Variants in RNF144A observed in about 807,000 individuals in gnomAD.
The protein encoded by RNF144A is ring finger protein 144A, also known as E3 ubiquitin-protein ligase RNF144A.
RNF144A carries 11 observed loss-of-function variants against 38.7 expected under a neutral mutation model. The ratio of observed to expected loss-of-function variants is 0.28; its 90% CI spans 0.18 to 0.47. The LOEUF (loss-of-function observed/expected upper bound fraction) is 0.47. Ranked by LOEUF, RNF144A falls within the 20% of genes least tolerant of loss-of-function variation. The pLI is 0.99. For missense variants in RNF144A, 316 were observed against 377.2 expected (o/e 0.84, Z 1.34); for synonymous variants, 149 against 143.9 (o/e 1.04, Z -0.25).
chr2:7,037,014 C>A (rs558482137), intron 8 of RNF144A, among the ~76,000 whole-genome samples: 2 of 152,294 alleles, frequency 1.3e-5, no homozygotes, highest in East Asian at 3.9e-4. Context: ...TCCTTTAAAT[C>A]TTAGGGTTTG....
rs573214530 is a variant in RNF144A at position 7,035,181 on chromosome 2, T to C, written c.748-4448T>C. On this transcript the variant is annotated intron_variant, in intron 8 of 8. Coordinates refer to ENST00000320892, the MANE Select transcript of RNF144A (RefSeq NM_014746.6). ...CTCTCTCTTGCCCTGTTTTGTTCCT[T>C]CTCCCTGTCAAGCTATATCCCTCCC... Among the ~76,000 whole-genome samples the C allele has an allele frequency of 2.0e-5, 3 of 152,248 alleles. No individual in the cohort carries two copies. The South Asian group carries it at 6.2e-4, about 32-fold the overall frequency.
intron 5 of RNF144A, among the ~76,000 whole-genome samples, chr2:7,017,966 G>T (rs989276936): frequency 6.6e-6 from 1 of 152,174 alleles, no homozygotes; most frequent in Non-Finnish European, 1.5e-5. Context: ...GATTTAAATC[G>T]TTCCCATGGA....
At chr2:6,945,880 G>T (rs1372273771) in intron 2 of RNF144A, among the ~76,000 whole-genome samples, 1 of 152,172 alleles carries the variant, frequency 6.6e-6, no homozygotes, top group Non-Finnish European at 1.5e-5. Flanking sequence ...GGAAAGAGAT[G>T]AGGAGAACCT....
intron 2 of RNF144A, among the ~76,000 whole-genome samples, chr2:6,960,232 G>A (rs1322154672): frequency 1.3e-5 from 2 of 152,322 alleles, no homozygotes; most frequent in South Asian, 4.1e-4. Context: ...GACTAGGGAC[G>A]ATGTATATCA....
intron 2 of RNF144A, among the ~76,000 whole-genome samples, chr2:6,972,589 G>A (rs1051195523): frequency 9.9e-5 from 15 of 152,096 alleles, no homozygotes; most frequent in Admixed American, 7.2e-4. Context: ...TCTCTTCCAG[G>A]CCTCTCTGGC....
rs1671452847 is a variant in RNF144A, at chr2:7,020,561, C to T, written c.390C>T (p.Pro130=). 1 of 1,613,426 alleles carries T rather than the reference C, an allele frequency of 6.2e-7. No individual in the cohort carries two copies. The highest frequency in any genetic ancestry group is 1.1e-5 in the South Asian group (1 of 91,086). Residue 130 remains proline, a synonymous_variant, in exon 6 of 9, where the codon CCC becomes CCT. Coordinates refer to ENST00000320892, the MANE Select transcript of RNF144A (RefSeq NM_014746.6). The stretch of plus-strand genomic sequence containing the variant: ...TCCAGGACGTGGGGCTGCAGACCCC[C>T]CAGCCAGTGCAGTGCAAAGCCTGCC... ...CQLQDVGLQT[P]QPVQCKACRM...
intron 3 of RNF144A, among the ~76,000 whole-genome samples, chr2:7,003,389 A>G (rs1450065387): frequency 8.5e-5 from 13 of 152,198 alleles, no homozygotes; most frequent in Admixed American, 8.5e-4. Flanking sequence ...CGCCCTGTAT[A>G]AGTATATGAT....
At chr2:6,925,208 C>T (rs1200208335) in intron 1 of RNF144A, among the ~76,000 whole-genome samples, 3 of 152,010 alleles carry the variant, frequency 2.0e-5, no homozygotes, top group Non-Finnish European at 2.9e-5. Context: ...GATTGTAATC[C>T]CTGGTGTGGA....
downstream of RNF144A, among the ~76,000 whole-genome samples, chr2:7,072,266 C>T (rs1674512557): frequency 6.6e-6 from 1 of 152,228 alleles, no homozygotes; most frequent in African/African-American, 2.4e-5. Context: ...ATGATTTTTG[C>T]TATAGAATGG....
At position 7,050,495 on chromosome 2, in the gene RNF144A, T is replaced by A. The variant is rs309288; in HGVS notation, c.735-17721T>A. ...AGTGAGAACAGACTAATGCAGGTCC[T>A]CTTCAGTCTCTCGTGGACACACCTG... is the stretch of plus-strand genomic sequence containing the variant. On this transcript the variant is annotated intron_variant, in intron 6 of 6. Transcript: ENST00000432850. Among the ~76,000 whole-genome samples, 59 of 152,020 alleles carry A rather than the reference T, an allele frequency of 3.9e-4. 3 individuals are homozygous for A. In the South Asian group the frequency reaches 0.012, roughly 30 times the overall value.
rs150825209 is a variant in RNF144A, at chr2:7,062,829, G to A, written c.735-5387G>A. 330 of 152,276 alleles carry A rather than the reference G, an allele frequency of 2.2e-3. 1 individual carries two copies. The highest frequency in any genetic ancestry group is 7.7e-3 in the African/African-American group (319 of 41,540). 9.4% of individuals were successfully genotyped at this position (152,276 alleles called of 1,614,324 possible). A position where few individuals can be genotyped will look rare whatever the true frequency, so the allele number is the denominator to read the frequency against. On this transcript the variant is annotated intron_variant, in intron 6 of 6. Transcript: ENST00000432850. ...GAACTTCTGGTTCCTCTGCATGTTG[G>A]GATGCTCACATTACAAATTTGATAG... is the stretch of plus-strand genomic sequence containing the variant.
chr2:7,017,181 C>T (rs1020205225), intron 5 of RNF144A, among the ~76,000 whole-genome samples: 1 of 152,212 alleles, frequency 6.6e-6, no homozygotes, highest in African/African-American at 2.4e-5. Flanking sequence ...TTGCTGTGCA[C>T]CTGCCTCTAT....
chr2:7,024,259 C>G, intron 6 of RNF144A, 110 bp from the exon 7 acceptor site: 1 of 968,600 alleles, frequency 1.0e-6, no homozygotes, highest in East Asian at 2.8e-5. Flanking sequence ...TCATTTAATA[C>G]CAAGAAAACT....
chr2:7,035,710 A>G (rs899128704), intron 8 of RNF144A, among the ~76,000 whole-genome samples: 1 of 152,140 alleles, frequency 6.6e-6, no homozygotes, highest in African/African-American at 2.4e-5. Context: ...CCTCCTTTAG[A>G]TGTGAAGCTC....
chr2:6,974,117 C>T (rs147363583), intron 2 of RNF144A, among the ~76,000 whole-genome samples: 150 of 152,272 alleles, frequency 9.9e-4, no homozygotes, highest in African/African-American at 3.2e-3. Flanking sequence ...CCACCTAGTT[C>T]GCAGCCTGTA....
chr2:7,016,072 C>G (rs1179791525), intron 5 of RNF144A, among the ~76,000 whole-genome samples: 2 of 147,444 alleles, frequency 1.4e-5, no homozygotes, highest in Non-Finnish European at 1.5e-5. Context: ...GAGTTCAAGT[C>G]CAGCCTGGGC....
intron 2 of RNF144A, among the ~76,000 whole-genome samples, chr2:6,991,628 A>G (rs959765442): frequency 2.6e-5 from 4 of 152,140 alleles, no homozygotes; most frequent in Non-Finnish European, 4.4e-5. Flanking sequence ...TCCTCTCCGA[A>G]CCTTGGTTTA....
intron 3 of RNF144A, among the ~76,000 whole-genome samples, chr2:7,010,524 G>T (rs1310681636): frequency 6.6e-6 from 1 of 152,074 alleles, no homozygotes; most frequent in Non-Finnish European, 1.5e-5. Flanking sequence ...AATCAGACTC[G>T]CTGTAGTTTT....
chr2:6,999,903 G>A lies in RNF144A; in HGVS notation c.135+2842G>A, dbSNP rs560500154. Among the ~76,000 whole-genome samples, 12 of 152,188 alleles carry A rather than the reference G, an allele frequency of 7.9e-5. No individual in the cohort carries two copies. The South Asian group carries it at 1.0e-3, about 13-fold the overall frequency. On this transcript the variant is annotated intron_variant, in intron 3 of 8. Coordinates refer to ENST00000320892, the MANE Select transcript of RNF144A (RefSeq NM_014746.6). ...AGTGGGTTTGCTAATGACGGACACC[G>A]CATCCTTGTCCACATCCCCCACTAC...
Sources: allele counts gnomAD v4.1 joint callset (sites outside exome capture counted in the v4.1 genomes callset), GRCh38; gene constraint gnomAD v4.1.1; transcripts MANE v1.5; gene names NCBI Gene and HGNC (gene_info 2026-07-23, HGNC 2026-07-21).